RAB31: variants seen among roughly 807,000 people sequenced by gnomAD.
RAB31 encodes the protein ras-related protein Rab-31.
In RAB31, 21 loss-of-function variants were observed where a neutral mutation model predicts 25.6. That is an observed-to-expected ratio of 0.82 (90% CI 0.58 to 1.18). The LOEUF (loss-of-function observed/expected upper bound fraction) is 1.18, where lower values mean the gene tolerates loss of function less well. Ranked by LOEUF, RAB31 falls within the 50% of genes most tolerant of loss-of-function variation. RAB31 has a pLI of 0.00. For missense variants in RAB31, 196 were observed against 250.1 expected (o/e 0.78, Z 1.46); for synonymous variants, 87 against 84.0 (o/e 1.04, Z -0.20).
At chr18:9,789,835 G>C (rs965804374) in intron 2 of RAB31, among the ~76,000 whole-genome samples, 1 of 152,154 alleles carries the variant, frequency 6.6e-6, no homozygotes, top group Admixed American at 6.5e-5. Flanking sequence ...TACTGGATTT[G>C]TCACTTAGAA....
intron 5 of RAB31, 61 bp from the exon 6 acceptor site, chr18:9,845,521 G>A: frequency 7.1e-7 from 1 of 1,406,070 alleles, no homozygotes; most frequent in Non-Finnish European, 9.4e-7. Flanking sequence ...CTGGTCTTTT[G>A]GGTGATTTGT....
At chr18:9,814,883 G>T in intron 4 of RAB31, 2 of 346,646 alleles carry the variant, frequency 5.8e-6, no homozygotes. Context: ...AAAAATCACT[G>T]ATATGATTTT....
intron 1 of RAB31, among the ~76,000 whole-genome samples, chr18:9,748,706 T>TA (rs2068218569): frequency 6.6e-6 from 1 of 151,724 alleles, no homozygotes; most frequent in Admixed American, 6.6e-5. Context: ...GCCTGGCCAA[T>TA]ATGGTAAAAC....
At chr18:9,754,785 C>T (rs966434220) in intron 1 of RAB31, among the ~76,000 whole-genome samples, 1 of 152,128 alleles carries the variant, frequency 6.6e-6, no homozygotes, top group Non-Finnish European at 1.5e-5. Context: ...GTCCTGGAAC[C>T]AATGCCCCCA....
intron 1 of RAB31, among the ~76,000 whole-genome samples, chr18:9,736,448 G>C (rs898400226): frequency 2.0e-5 from 3 of 151,986 alleles, no homozygotes; most frequent in African/African-American, 7.3e-5. Context: ...TGGAGTGCAG[G>C]GACTTTCTCT....
chr18:9,765,583 T>C (rs2068311693), intron 1 of RAB31, among the ~76,000 whole-genome samples: 1 of 152,168 alleles, frequency 6.6e-6, no homozygotes, highest in Admixed American at 6.5e-5. Context: ...GTCCCTCTGG[T>C]GAAAAGTGCT....
intron 1 of RAB31, among the ~76,000 whole-genome samples, chr18:9,774,121 CT>C (rs2068359874): frequency 2.0e-5 from 3 of 152,224 alleles, no homozygotes; most frequent in African/African-American, 7.2e-5. Flanking sequence ...GTTGAAAGCT[CT>C]GTTTGTATTG....
intron 1 of RAB31, chr18:9,774,774 G>A (rs534223926): frequency 2.0e-6 from 1 of 489,366 alleles, no homozygotes; most frequent in Middle Eastern, 5.5e-4. Context: ...AGCAAAATTT[G>A]GAAGTTATTA....
intron 5 of RAB31, among the ~76,000 whole-genome samples, chr18:9,828,968 G>T (rs916309382): frequency 6.6e-6 from 1 of 152,158 alleles, no homozygotes; most frequent in African/African-American, 2.4e-5. Flanking sequence ...TGTGGTGCGG[G>T]TGGCCCCTCC....
intron 5 of RAB31, among the ~76,000 whole-genome samples, chr18:9,826,423 A>AAC (rs992713775): frequency 6.6e-6 from 1 of 152,054 alleles, no homozygotes; most frequent in Non-Finnish European, 1.5e-5. Flanking sequence ...TATTTAAAAA[A>AAC]ACACACACAC....
chr18:9,743,000 G>A (rs2068187647), intron 1 of RAB31, among the ~76,000 whole-genome samples: 1 of 152,168 alleles, frequency 6.6e-6, no homozygotes, highest in Admixed American at 6.5e-5. Flanking sequence ...TCAACATGTT[G>A]ATGTTCTCGG....
In RAB31 at chr18:9,815,281, C is replaced by T. The variant is rs910026006; in HGVS notation, c.380+59C>T. 2.4e-5 allele frequency: 25 copies of T among 1,037,332 alleles called. 1 individual carries two copies. The East Asian group carries it at 2.6e-4, about 11-fold the overall frequency. The allele number at this position is 1,037,332 out of a possible 1,614,324, so 64.3% of individuals were successfully genotyped here. ...CTGTCCTCCATCCCTGAGTGTCATC[C>T]GTGTAGATACTGTCCTCCATCCCTG... On this transcript the variant is annotated intron_variant, in intron 5 of 6. Coordinates refer to ENST00000578921, the MANE Select transcript of RAB31 (RefSeq NM_006868.4).
intron 2 of RAB31, among the ~76,000 whole-genome samples, chr18:9,781,619 T>G (rs1343690708): frequency 2.0e-5 from 3 of 152,242 alleles, no homozygotes; most frequent in African/African-American, 4.8e-5. Context: ...CTGTTCGCTT[T>G]CTACCTCGTC....
intron 5 of RAB31, among the ~76,000 whole-genome samples, chr18:9,834,109 T>C (rs1397597846): frequency 6.6e-6 from 1 of 152,192 alleles, no homozygotes; most frequent in Non-Finnish European, 1.5e-5. Flanking sequence ...TTCTCCACTA[T>C]GCAGCCCTTT....
At chr18:9,848,769 G>T (rs2068774412) in intron 6 of RAB31, among the ~76,000 whole-genome samples, 1 of 152,182 alleles carries the variant, frequency 6.6e-6, no homozygotes, top group Non-Finnish European at 1.5e-5. Context: ...AAAAAGGTGT[G>T]TTTAAACAAA....
chr18:9,747,189 G>A (rs1390152689), intron 1 of RAB31, among the ~76,000 whole-genome samples: 1 of 152,206 alleles, frequency 6.6e-6, no homozygotes, highest in Non-Finnish European at 1.5e-5. Flanking sequence ...TTAGGTAAAT[G>A]CAGATTAAAA....
Position 9,736,697 on chromosome 18 carries a change from T to C in RAB31, c.39+28253T>C, listed in dbSNP as rs561913873. Among the ~76,000 whole-genome samples, 13 of 152,322 alleles carry C rather than the reference T, an allele frequency of 8.5e-5. No homozygotes were observed. The South Asian group carries it at 2.5e-3, about 29-fold the overall frequency. On this transcript the variant is annotated intron_variant, in intron 1 of 6. Coordinates refer to ENST00000578921, the MANE Select transcript of RAB31 (RefSeq NM_006868.4). ...CAGCAAATGTTTATTAATAATAAGA[T>C]TTGCCGAAAGCAAGAGAAGTCTTAA...
At chr18:9,822,621 G>GA (rs2068629506) in intron 5 of RAB31, among the ~76,000 whole-genome samples, 1 of 152,092 alleles carries the variant, frequency 6.6e-6, no homozygotes, top group Non-Finnish European at 1.5e-5. Context: ...AAATTTACAT[G>GA]AAAAAATTTG....
At chr18:9,728,351 A>G (rs1490088700) in intron 1 of RAB31, among the ~76,000 whole-genome samples, 1 of 152,234 alleles carries the variant, frequency 6.6e-6, no homozygotes, top group South Asian at 2.1e-4. Flanking sequence ...ATCTTAATGT[A>G]CGTGAATGAA....
Sources: gnomAD v4.1 joint callset for allele counts (sites outside exome capture counted in the v4.1 genomes callset) on GRCh38, gnomAD v4.1.1 for gene constraint, MANE v1.5 for transcripts, NCBI Gene and HGNC (gene_info 2026-07-23, HGNC 2026-07-21) for gene names.